Variants in DBF4 observed in about 807,000 individuals in gnomAD.
The protein encoded by DBF4 is DBF4-CDC7 kinase regulatory subunit, also known as protein DBF4 homolog A.
DBF4 carries 25 observed loss-of-function variants against 76.6 expected under a neutral mutation model. That is an observed-to-expected ratio of 0.33 (90% CI 0.24 to 0.46). The LOEUF is 0.46. DBF4 is among the 20% of genes least tolerant of loss of function. The pLI is 1.00. For missense variants in DBF4, 638 were observed against 760.8 expected, an observed-to-expected ratio of 0.84 and a Z score of 1.90; for synonymous variants, 213 against 258.0, an observed-to-expected ratio of 0.83 and a Z score of 1.67.
intron 11 of DBF4, 43 bp from the exon 12 acceptor site, chr7:87,907,145 A>T: frequency 1.4e-6 from 2 of 1,464,036 alleles, no homozygotes; most frequent in Non-Finnish European, 1.8e-6. Flanking sequence ...ATTTGTTTTG[A>T]TAGCAATTAT....
chr7:87,900,038 C>CATTAA (rs1839735445), intron 8 of DBF4, among the ~76,000 whole-genome samples, 183 bp from the exon 9 acceptor site: 1 of 151,946 alleles, frequency 6.6e-6, no homozygotes, highest in South Asian at 2.1e-4. Context: ...TGTATTTTAC[C>CATTAA]ACAATTTAAA....
chr7:87,904,920 A>G (rs773942389), intron 11 of DBF4, among the ~76,000 whole-genome samples: 19 of 152,036 alleles, frequency 1.2e-4, no homozygotes, highest in Admixed American at 7.2e-4. Context: ...TTCTTTTTAA[A>G]TTTTCTTTTT....
At position 87,906,103 on chromosome 7, in the gene DBF4, A is replaced by T. The variant is rs546890388; in HGVS notation, c.1050-1085A>T. On this transcript the variant is annotated intron_variant, in intron 11 of 11. Transcript: ENST00000265728. ...AACCCGAGAAGCAGAGGTTGCAGTGAGCTGAGATCAGGCCACTGCACTCCA... is the reference window on the plus strand; with the variant it reads ...AACCCGAGAAGCAGAGGTTGCAGTGTGCTGAGATCAGGCCACTGCACTCCA... Among the ~76,000 whole-genome samples the T allele has an allele frequency of 2.6e-5, 4 of 152,108 alleles. No homozygotes were observed. In the South Asian group the frequency reaches 8.3e-4, roughly 32 times the overall value.
Position 87,878,154 on chromosome 7 carries a change from G to C in DBF4, c.148G>C (p.Val50Leu). Residue 50 changes from valine to leucine, a missense_variant, in exon 2 of 12, where the codon GTA becomes CTA. Physicochemically the swap from Val to Leu is conservative, Grantham distance 32. Coordinates refer to ENST00000265728, the MANE Select transcript of DBF4 (RefSeq NM_006716.4). ...KSKCKPLWGKVFYLDLPSVTI... is the reference protein window; with the variant it reads ...KSKCKPLWGKLFYLDLPSVTI... Reference sequence around the variant, plus strand: ...CAAATGTAAGCCACTTTGGGGAAAAGTATTTTACCTTGACTTACCTTCTGT... The same window carrying C: ...CAAATGTAAGCCACTTTGGGGAAAACTATTTTACCTTGACTTACCTTCTGT... 1 of 1,613,340 alleles carries C rather than the reference G, an allele frequency of 6.2e-7. No homozygotes were observed. Among genetic ancestry groups the C allele is most frequent in the Non-Finnish European group, 8.5e-7 (1 of 1,179,736 alleles).
At chr7:87,891,461 C>T (rs1198042647) in intron 6 of DBF4, among the ~76,000 whole-genome samples, 1 of 152,028 alleles carries the variant, frequency 6.6e-6, no homozygotes, top group African/African-American at 2.4e-5. Flanking sequence ...TCAATTTATT[C>T]ATTAGATATA....
intron 7 of DBF4, among the ~76,000 whole-genome samples, chr7:87,896,877 G>A (rs1839653522): frequency 1.3e-5 from 2 of 152,208 alleles, no homozygotes; most frequent in Admixed American, 6.5e-5. Flanking sequence ...AATGCTTTGA[G>A]ATATCTGCTC....
intron 8 of DBF4, among the ~76,000 whole-genome samples, chr7:87,899,749 T>C (rs1036864745): frequency 6.6e-6 from 1 of 152,224 alleles, no homozygotes; most frequent in African/African-American, 2.4e-5. Context: ...TAAGACGTTA[T>C]GCTAAGTGAA....
Position 87,885,063 on chromosome 7 carries a change from A to T in DBF4, c.304A>T (p.Ile102Phe). ...TAAATTTGCACAAACCTTGGGTCGA[A>T]TTTCTCCTGTACCAAGTCCAGAATC... The part of the protein sequence containing the change: ...EAKFAQTLGR[I>F]SPVPSPESAY... The change falls in exon 3 of 12, where the codon ATT becomes TTT. Residue 102 changes from isoleucine to phenylalanine, a missense_variant. By Grantham distance (21) the Ile-to-Phe change is conservative. Coordinates refer to ENST00000265728, the MANE Select transcript of DBF4 (RefSeq NM_006716.4). The T allele has an allele frequency of 6.2e-7, 1 of 1,613,892 alleles. No homozygotes were observed.
At position 87,900,338 on chromosome 7, in the gene DBF4, G is replaced by C. The variant is rs1412391966; in HGVS notation, c.798G>C (p.Gln266His). The C allele has an allele frequency of 1.5e-5, 23 of 1,584,756 alleles. No individual in the cohort carries two copies. The highest frequency in any genetic ancestry group is 1.9e-5 in the Admixed American group (1 of 53,462). The stretch of plus-strand genomic sequence containing the variant: ...CATCTAGTATGCAAAAGCAAACTCA[G>C]GTTAAACTAAGGTTGGTTTGAATCT... ...DKPSSMQKQT[Q>H]VKLRIQTDGD... The change falls in exon 9 of 12, where the codon CAG becomes CAC. Residue 266 changes from glutamine (Q) to histidine (H), a missense_variant. Physicochemically the swap from Gln to His is conservative, Grantham distance 24. Coordinates refer to ENST00000265728, the MANE Select transcript of DBF4 (RefSeq NM_006716.4).
At chr7:87,894,384 C>A (rs28666506) in intron 6 of DBF4, among the ~76,000 whole-genome samples, 7,432 of 151,878 alleles carry the variant, frequency 0.049, 276 homozygotes, top group East Asian at 0.092. Flanking sequence ...GGCCTTAGCC[C>A]AAGAGGCGGA....
intron 8 of DBF4, among the ~76,000 whole-genome samples, chr7:87,898,912 G>A (rs962239132): frequency 6.6e-6 from 1 of 152,000 alleles, no homozygotes; most frequent in African/African-American, 2.4e-5. Context: ...ATAAACGAAT[G>A]GAATAGAATA....
chr7:87,885,022 C>T lies in DBF4; in HGVS notation c.263C>T (p.Ser88Leu). Residue 88 changes from serine to leucine, a missense_variant, in exon 3 of 12, where the codon TCA becomes TTA. Ser to Leu is a moderately radical substitution (Grantham distance 145, BLOSUM62 -2). Coordinates refer to ENST00000265728, the MANE Select transcript of DBF4 (RefSeq NM_006716.4). ...AGCAAAGATATCAGTTATCTTATTTCAAATAAGAAGGAAGCTAAATTTGCA... is the reference window on the plus strand; with the variant it reads ...AGCAAAGATATCAGTTATCTTATTTTAAATAAGAAGGAAGCTAAATTTGCA... ...FLSKDISYLISNKKEAKFAQT... is the reference protein window; with the variant it reads ...FLSKDISYLILNKKEAKFAQT... The T allele has an allele frequency of 5.6e-6, 9 of 1,612,348 alleles. No homozygotes were observed. Among genetic ancestry groups the T allele is most frequent in the Non-Finnish European group, 7.6e-6 (9 of 1,178,418 alleles).
chr7:87,905,632 C>T (rs944704461), intron 11 of DBF4, among the ~76,000 whole-genome samples: 9 of 152,114 alleles, frequency 5.9e-5, no homozygotes, highest in Admixed American at 2.0e-4. Context: ...TGGATATACC[C>T]TAGAGGTGGT....
chr7:87,902,232 T>C (rs1188325178), intron 10 of DBF4, among the ~76,000 whole-genome samples: 2 of 152,322 alleles, frequency 1.3e-5, no homozygotes, highest in East Asian at 3.9e-4. Context: ...TGAAAGCAGA[T>C]GTTGAGATTA....
At chr7:87,906,351 A>G (rs995122414) in intron 11 of DBF4, among the ~76,000 whole-genome samples, 1 of 122,400 alleles carries the variant, frequency 8.2e-6, no homozygotes, top group South Asian at 2.9e-4. Flanking sequence ...ACATTTTTTT[A>G]TTGCCCATTT....
chr7:87,879,364 T>G (rs987327471), intron 2 of DBF4, among the ~76,000 whole-genome samples: 2 of 152,238 alleles, frequency 1.3e-5, no homozygotes, highest in Admixed American at 6.5e-5. Flanking sequence ...ACTATTCATT[T>G]TGTTAAACTA....
At chr7:87,878,250 T>C (rs1260767146) in intron 2 of DBF4, 25 bp downstream of exon 2, 12 of 1,563,736 alleles carry the variant, frequency 7.7e-6, no homozygotes, top group Admixed American at 6.1e-5. Context: ...TACACTGGCA[T>C]AGAAGGAAAA....
intron 10 of DBF4, among the ~76,000 whole-genome samples, chr7:87,902,359 C>T (rs1196051324): frequency 1.3e-5 from 2 of 151,972 alleles, no homozygotes; most frequent in African/African-American, 2.4e-5. Flanking sequence ...GATTCAATTC[C>T]ACTTGTATCA....
In DBF4 at chr7:87,878,201, A is replaced by G. The variant is rs1584348967; in HGVS notation, c.195A>G (p.Gln65=). 4 of 1,611,842 alleles carry G rather than the reference A, an allele frequency of 2.5e-6. No homozygotes were observed. Among genetic ancestry groups the G allele is most frequent in the Non-Finnish European group, 3.4e-6 (4 of 1,179,172 alleles). The change falls in exon 2 of 12, where the codon CAA becomes CAG. Residue 65 remains glutamine, a synonymous_variant. Transcript: ENST00000265728. The part of the protein sequence containing the change: ...LPSVTISEKL[Q]KDIKDLGGRV... ...CTGTCACCATATCTGAAAAACTTCAAAAGGACATTAAGGATCTGGGAGGGG... is the reference window on the plus strand; with the variant it reads ...CTGTCACCATATCTGAAAAACTTCAGAAGGACATTAAGGATCTGGGAGGGG...
Sources: gnomAD v4.1 joint callset for allele counts (sites outside exome capture counted in the v4.1 genomes callset) on GRCh38, gnomAD v4.1.1 for gene constraint, MANE v1.5 for transcripts, NCBI Gene and HGNC (gene_info 2026-07-23, HGNC 2026-07-21) for gene names.